OPCML: variants seen among roughly 807,000 people sequenced by gnomAD.
OPCML encodes opioid binding protein/cell adhesion molecule like.
Under a neutral mutation model 37.8 loss-of-function variants are expected in OPCML, and 13 were observed. The observed-to-expected ratio is 0.34, with a 90% CI of 0.22 to 0.55. OPCML has a LOEUF of 0.55. Among genes scored for constraint, OPCML ranks in the 20% least tolerant of loss-of-function variants. The pLI is 0.91. For synonymous variants in OPCML, 176 were observed against 168.8 expected (o/e 1.04, Z -0.33); for missense variants, 341 against 435.6 (o/e 0.78, Z 1.93).
intron 3 of OPCML, among the ~76,000 whole-genome samples, chr11:132,532,750 C>T (rs2096329360): frequency 6.6e-6 from 1 of 152,200 alleles, no homozygotes; most frequent in Non-Finnish European, 1.5e-5. Flanking sequence ...CAAGTCAGCG[C>T]CCCTTGCACA....
At chr11:132,735,302 C>A (rs908685180) in intron 2 of OPCML, among the ~76,000 whole-genome samples, 19 of 151,938 alleles carry the variant, frequency 1.3e-4, no homozygotes, top group African/African-American at 4.6e-4. Flanking sequence ...TTTAGGTTGG[C>A]GCCTCAGAGA....
chr11:132,455,809 C>T (rs941882269), intron 4 of OPCML, among the ~76,000 whole-genome samples: 1 of 142,168 alleles, frequency 7.0e-6, no homozygotes, highest in Non-Finnish European at 1.5e-5. Flanking sequence ...ATATGTAAGG[C>T]ATAACTTACT....
intron 1 of OPCML, among the ~76,000 whole-genome samples, chr11:133,019,086 G>A (rs956139680): frequency 6.6e-6 from 1 of 152,198 alleles, no homozygotes; most frequent in Non-Finnish European, 1.5e-5. Flanking sequence ...TGAGACAAAA[G>A]AGACCAGAGC....
At chr11:133,330,079 G>A (rs550163216) in intron 1 of OPCML, among the ~76,000 whole-genome samples, 170 of 152,268 alleles carry the variant, frequency 1.1e-3, no homozygotes, top group Non-Finnish European at 2.0e-3. Context: ...AACAACACAT[G>A]AAAAAATGCT....
intron 1 of OPCML, among the ~76,000 whole-genome samples, chr11:133,483,173 A>G (rs1223803479): frequency 2.6e-5 from 4 of 152,182 alleles, no homozygotes; most frequent in Admixed American, 6.5e-5. Context: ...GTAATTAGAA[A>G]AATGTTGAGG....
chr11:132,803,773 G>A (rs1461936204), intron 2 of OPCML, among the ~76,000 whole-genome samples: 1 of 152,118 alleles, frequency 6.6e-6, no homozygotes, highest in Non-Finnish European at 1.5e-5. Flanking sequence ...ATAAACTTAG[G>A]CATTCAATTA....
intron 1 of OPCML, among the ~76,000 whole-genome samples, chr11:133,243,199 C>T (rs527247722): frequency 1.7e-4 from 26 of 152,232 alleles, no homozygotes; most frequent in African/African-American, 4.8e-4. Flanking sequence ...CCAGTTACAA[C>T]GCTGAAAGAA....
intron 1 of OPCML, among the ~76,000 whole-genome samples, chr11:133,015,431 T>TGAAGGAAG (rs768763860): frequency 8.7e-5 from 4 of 46,142 alleles, no homozygotes; most frequent in Admixed American, 2.6e-4. Context: ...AAGGAAGGAA[T>TGAAGGAAG]GAAGGAAGGA....
At chr11:133,010,102 G>A (rs1947188134) in intron 1 of OPCML, among the ~76,000 whole-genome samples, 1 of 152,104 alleles carries the variant, frequency 6.6e-6, no homozygotes, top group African/African-American at 2.4e-5. Context: ...AATCCCTACT[G>A]TCCTGTCCAC....
rs140550810 is a variant in OPCML at position 133,358,386 on chromosome 11, C to A, written c.61+173878G>T. ...AAATCTAACATCTCAGCAACCAAAG[C>A]ATGCCATGATCTTCACCCCAACTAT... On this transcript the variant is annotated intron_variant, in intron 1 of 7. Transcript: ENST00000524381. Among the ~76,000 whole-genome samples, 272 of 152,310 alleles carry A rather than the reference C, an allele frequency of 1.8e-3. 2 individuals carry two copies. Among genetic ancestry groups the A allele is most frequent in the Admixed American group, 0.012 (183 of 15,302 alleles).
chr11:133,314,716 A>G (rs1301420663), intron 1 of OPCML, among the ~76,000 whole-genome samples: 1 of 152,222 alleles, frequency 6.6e-6, no homozygotes, highest in Admixed American at 6.5e-5. Flanking sequence ...TCTCCCCCAC[A>G]GAACCATCAG....
chr11:132,583,663 C>T (rs1172437913), intron 3 of OPCML, among the ~76,000 whole-genome samples: 2 of 151,974 alleles, frequency 1.3e-5, no homozygotes, highest in Non-Finnish European at 2.9e-5. Context: ...GTTTCCCAGG[C>T]TGGAGTGTAA....
At chr11:132,922,470 C>T (rs960354557) in intron 2 of OPCML, among the ~76,000 whole-genome samples, 2 of 152,020 alleles carry the variant, frequency 1.3e-5, no homozygotes, top group African/African-American at 4.8e-5. Flanking sequence ...AAAAGCAGCA[C>T]GTGTGCGGGA....
chr11:132,583,704 C>G (rs188396069), intron 3 of OPCML, among the ~76,000 whole-genome samples: 1 of 152,076 alleles, frequency 6.6e-6, no homozygotes, highest in Non-Finnish European at 1.5e-5. Flanking sequence ...GCAACCTCCT[C>G]CTGGGTTCAA....
At chr11:132,466,688 C>T (rs2136936659) in intron 4 of OPCML, among the ~76,000 whole-genome samples, 1 of 152,226 alleles carries the variant, frequency 6.6e-6, no homozygotes, top group East Asian at 1.9e-4. Context: ...GATGTGCCTC[C>T]AGCCGAGGAG....
At chr11:132,910,207 C>T (rs755956019) in intron 2 of OPCML, among the ~76,000 whole-genome samples, 5 of 152,228 alleles carry the variant, frequency 3.3e-5, no homozygotes, top group Non-Finnish European at 7.3e-5. Context: ...GCCGCATTCC[C>T]GAATGGAGTC....
rs145893028 is a variant in OPCML at position 133,071,706 on chromosome 11, G to T, written c.62-128696C>A. Among the ~76,000 whole-genome samples the T allele has an allele frequency of 4.2e-3, 645 of 152,318 alleles. 3 individuals carry two copies. Among genetic ancestry groups the T allele is most frequent in the African/African-American group, 0.014 (594 of 41,576 alleles). On this transcript the variant is annotated intron_variant, in intron 1 of 7. Coordinates refer to ENST00000524381, the MANE Select transcript of OPCML (RefSeq NM_001012393.5). Reference sequence around the variant, plus strand: ...TGGCCTATTGTTCATTTTTAAAAGTGATGGAGAGAGTTTTAGGCCCTTTTA... The same window carrying T: ...TGGCCTATTGTTCATTTTTAAAAGTTATGGAGAGAGTTTTAGGCCCTTTTA...
intron 1 of OPCML, among the ~76,000 whole-genome samples, chr11:133,222,351 G>T (rs1026076266): frequency 1.3e-5 from 2 of 152,202 alleles, no homozygotes; most frequent in African/African-American, 4.8e-5. Flanking sequence ...CTTCTCCAAG[G>T]CAGTGGTGGC....
At chr11:132,907,989 C>T (rs1261663200) in intron 2 of OPCML, among the ~76,000 whole-genome samples, 2 of 152,094 alleles carry the variant, frequency 1.3e-5, no homozygotes, top group East Asian at 1.9e-4. Flanking sequence ...AAATGAGTTC[C>T]AAAACATATT....
Sources: gnomAD v4.1 joint callset for allele counts (sites outside exome capture counted in the v4.1 genomes callset) on GRCh38, gnomAD v4.1.1 for gene constraint, MANE v1.5 for transcripts, NCBI Gene and HGNC (gene_info 2026-07-23, HGNC 2026-07-21) for gene names.